The following IER3IP1 variants were observed in gnomAD, a reference collection of about 807,000 sequenced individuals.
IER3IP1 encodes immediate early response 3-interacting protein 1.
IER3IP1 carries 16 observed loss-of-function variants against 12.2 expected under a neutral mutation model. The ratio of observed to expected loss-of-function variants is 1.31; its 90% CI spans 0.89 to 1.99. The LOEUF is 1.99. IER3IP1 is among the 30% of genes most tolerant of loss of function. The probability of loss-of-function intolerance (pLI) is 0.00; values close to 1 mark genes in which losing one functional copy is unlikely to be tolerated. For missense variants in IER3IP1, 95 were observed against 95.8 expected (o/e 0.99, Z 0.03); for synonymous variants, 42 against 40.0 (o/e 1.05, Z -0.19).
At chr18:47,176,102 G>T in intron 1 of IER3IP1, 85 bp downstream of exon 1, 5 of 1,079,710 alleles carry the variant, frequency 4.6e-6, no homozygotes, top group Non-Finnish European at 6.9e-6. Context: ...CCCGGCCCTT[G>T]GTGTCCCCTC....
intron 1 of IER3IP1, among the ~76,000 whole-genome samples, chr18:47,171,617 C>A (rs555473953): frequency 6.6e-6 from 1 of 152,338 alleles, no homozygotes; most frequent in Admixed American, 6.5e-5. Flanking sequence ...GTCAAGGAAT[C>A]AGCTTTTGGT....
intron 1 of IER3IP1, among the ~76,000 whole-genome samples, chr18:47,160,181 G>C (rs553041861): frequency 9.9e-4 from 148 of 149,310 alleles, no homozygotes; most frequent in Non-Finnish European, 1.8e-3. Flanking sequence ...GGCAACAAGA[G>C]CAAAACTCCG....
intron 1 of IER3IP1, among the ~76,000 whole-genome samples, chr18:47,159,353 G>T (rs2063972203): frequency 6.6e-6 from 1 of 152,174 alleles, no homozygotes; most frequent in Admixed American, 6.5e-5. Flanking sequence ...CACTAATGCA[G>T]ACAGATATAA....
Position 47,157,167 on chromosome 18 carries a change from A to G in IER3IP1, c.193+269T>C, listed in dbSNP as rs1464496690. On this transcript the variant is annotated intron_variant, in intron 2 of 2. Transcript: ENST00000256433. Reference sequence around the variant, plus strand: ...ACAGTTTCCAAAAGGCAAGAATATAATTTTGTCTTTTAGCTCTGACAGGTA... The same window carrying G: ...ACAGTTTCCAAAAGGCAAGAATATAGTTTTGTCTTTTAGCTCTGACAGGTA... The G allele has an allele frequency of 1.1e-5, 5 of 436,814 alleles. No homozygotes were observed. The East Asian group carries it at 1.3e-4, about 11-fold the overall frequency. The allele number at this position is 436,814 out of a possible 1,614,324, so 27.1% of individuals were successfully genotyped here. A position where few individuals can be genotyped will look rare whatever the true frequency, so the allele number is the denominator to read the frequency against.
At chr18:47,157,798 G>A (rs2063966332) in intron 1 of IER3IP1, among the ~76,000 whole-genome samples, 1 of 152,104 alleles carries the variant, frequency 6.6e-6, no homozygotes, top group African/African-American at 2.4e-5. Context: ...ATTTAATTTA[G>A]TGAAGATGAT....
chr18:47,166,381 C>T (rs542075214), intron 1 of IER3IP1, among the ~76,000 whole-genome samples: 3 of 152,072 alleles, frequency 2.0e-5, no homozygotes, highest in Non-Finnish European at 4.4e-5. Context: ...GGAGATGGGT[C>T]ACAGACAGTT....
At chr18:47,156,413 T>C (rs542934362) in intron 2 of IER3IP1, among the ~76,000 whole-genome samples, 181 bp from the exon 3 acceptor site, 4 of 152,258 alleles carry the variant, frequency 2.6e-5, no homozygotes, top group Admixed American at 2.6e-4. Flanking sequence ...CCAAAACTTA[T>C]TTTAAAGAGA....
chr18:47,176,291 C>T lies in IER3IP1; in HGVS notation c.-14G>A, dbSNP rs1319687931. ...GGTAAAGGCCATGGCCGTCCGAGGC[C>T]GCCCCGAAGTCCAAGCGATTTCTCT... On this transcript the variant is annotated 5_prime_UTR_variant, in exon 1 of 3. Coordinates refer to ENST00000256433, the MANE Select transcript of IER3IP1 (RefSeq NM_016097.5). 8 of 1,595,880 alleles carry T rather than the reference C, an allele frequency of 5.0e-6. No homozygotes were observed. The highest frequency in any genetic ancestry group is 5.1e-6 in the Non-Finnish European group (6 of 1,170,920).
intron 1 of IER3IP1, among the ~76,000 whole-genome samples, chr18:47,163,287 T>G (rs1372291429): frequency 6.6e-6 from 1 of 152,150 alleles, no homozygotes. Context: ...ATTACAACAT[T>G]TACTCTGATA....
At chr18:47,158,264 C>T (rs904309927) in intron 1 of IER3IP1, among the ~76,000 whole-genome samples, 8 of 152,208 alleles carry the variant, frequency 5.3e-5, no homozygotes, top group Admixed American at 5.2e-4. Flanking sequence ...GATCCTCCAC[C>T]TCAGCCTCCC....
At chr18:47,171,392 G>T (rs549042178) in intron 1 of IER3IP1, among the ~76,000 whole-genome samples, 2 of 152,300 alleles carry the variant, frequency 1.3e-5, no homozygotes, top group South Asian at 4.1e-4. Context: ...ATCATGGCAT[G>T]AATTGAAAAG....
Position 47,156,082 on chromosome 18 carries a change from G to C in IER3IP1, c.*95C>G. On this transcript the variant is annotated 3_prime_UTR_variant, in exon 3 of 3. Transcript: ENST00000256433. ...GCTTTACATTTTTGACAAGTGCAAGGTCAGCCAGCTAAGATATAAATATTC... is the reference window on the plus strand; with the variant it reads ...GCTTTACATTTTTGACAAGTGCAAGCTCAGCCAGCTAAGATATAAATATTC... 1.2e-6 allele frequency: 1 copy of C among 819,730 alleles called. No individual in the cohort carries two copies. The highest frequency in any genetic ancestry group is 2.1e-6 in the Non-Finnish European group (1 of 476,960). 50.8% of individuals were successfully genotyped at this position (819,730 alleles called of 1,614,324 possible). A position where few individuals can be genotyped will look rare whatever the true frequency, so the allele number is the denominator to read the frequency against.
Position 47,154,612 on chromosome 18 carries a change from A to T in IER3IP1, c.*1565T>A, listed in dbSNP as rs2063951824. On this transcript the variant is annotated 3_prime_UTR_variant, in exon 3 of 3. Coordinates refer to ENST00000256433, the MANE Select transcript of IER3IP1 (RefSeq NM_016097.5). The stretch of plus-strand genomic sequence containing the variant: ...TTCTTTTGAATCTTTTCAGTAGCTC[A>T]AACTTGAACTCAGGCATCAGTTCTT... 6.6e-6 allele frequency: 1 copy of T among 152,238 alleles called. No individual in the cohort carries two copies. The highest frequency in any genetic ancestry group is 2.1e-4 in the South Asian group (1 of 4,834). The allele number at this position is 152,238 out of a possible 1,614,324, so 9.4% of individuals were successfully genotyped here.
intron 1 of IER3IP1, among the ~76,000 whole-genome samples, chr18:47,159,824 A>G (rs992723108): frequency 4.0e-5 from 6 of 150,776 alleles, no homozygotes; most frequent in Admixed American, 4.0e-4. Flanking sequence ...GTTCACGTTC[A>G]TTTTCTAGGT....
chr18:47,169,592 CTTT>C (rs2064008548), intron 1 of IER3IP1, among the ~76,000 whole-genome samples: 1 of 151,384 alleles, frequency 6.6e-6, no homozygotes, highest in Admixed American at 6.6e-5. Context: ...GTGTTTTTAA[CTTT>C]TTTATTTATT....
chr18:47,171,801 C>CT (rs1028254044), intron 1 of IER3IP1, among the ~76,000 whole-genome samples: 24 of 150,752 alleles, frequency 1.6e-4, no homozygotes, highest in Middle Eastern at 3.4e-3. Flanking sequence ...CTTTTTTGGT[C>CT]TTTTTTTTTG....
chr18:47,175,958 T>C (rs1211298126), intron 1 of IER3IP1, among the ~76,000 whole-genome samples: 3 of 152,086 alleles, frequency 2.0e-5, no homozygotes, highest in African/African-American at 4.8e-5. Flanking sequence ...CTGACTTCTA[T>C]ATCCCTCCAC....
chr18:47,171,500 A>G (rs1250604057), intron 1 of IER3IP1, among the ~76,000 whole-genome samples: 1 of 152,204 alleles, frequency 6.6e-6, no homozygotes, highest in Non-Finnish European at 1.5e-5. Flanking sequence ...GCTTGACTTC[A>G]TGAGAAGTTT....
chr18:47,156,308 C>T, intron 2 of IER3IP1, 76 bp from the exon 3 acceptor site: 1 of 808,362 alleles, frequency 1.2e-6, no homozygotes, highest in Non-Finnish European at 2.1e-6. Context: ...AATTAGCCTC[C>T]AGGAACAATA....
Sources: allele counts gnomAD v4.1 joint callset (sites outside exome capture counted in the v4.1 genomes callset), GRCh38; gene constraint gnomAD v4.1.1; transcripts MANE v1.5; gene names NCBI Gene and HGNC (gene_info 2026-07-23, HGNC 2026-07-21).